Variants in ARFGEF2 observed in about 807,000 individuals in gnomAD.
ARFGEF2 encodes ARF guanine nucleotide exchange factor 2.
A neutral mutation model predicts 219.9 loss-of-function variants in ARFGEF2; 74 were observed. The ratio of observed to expected loss-of-function variants is 0.34; its 90% CI spans 0.28 to 0.41. ARFGEF2 has a LOEUF of 0.41. Among genes scored for constraint, ARFGEF2 ranks in the 10% least tolerant of loss-of-function variants. The pLI is 1.00. For missense variants in ARFGEF2, 1,743 were observed against 2,218.3 expected, an observed-to-expected ratio of 0.79 and a Z score of 4.30; for synonymous variants, 733 against 799.2, an observed-to-expected ratio of 0.92 and a Z score of 1.40.
At chr20:49,012,193 G>A in intron 28 of ARFGEF2, 109 bp downstream of exon 28, 1 of 1,448,912 alleles carries the variant, frequency 6.9e-7, no homozygotes, top group South Asian at 1.2e-5. Context: ...AGAAATGTGT[G>A]TTTGCCCTAA....
rs140734809 is a variant in ARFGEF2 at position 49,033,193 on chromosome 20, G to A, written c.5352G>A (p.Val1784=). 10 of 1,614,108 alleles carry A rather than the reference G, an allele frequency of 6.2e-6. No homozygotes were observed. The African/African-American group carries it at 1.3e-4, about 22-fold the overall frequency. Residue 1784 remains valine, a synonymous_variant, in exon 39 of 39, where the codon GTG becomes GTA. Transcript: ENST00000371917. ...AGGTACCAGCAGCACTGTCACCAGT[G>A]TGGTAGCCCTGGCTGCCCAGGCCAG... ...PSQVPAALSP[V]W
intron 26 of ARFGEF2, among the ~76,000 whole-genome samples, chr20:49,008,667 C>T (rs1452186011): frequency 1.3e-5 from 2 of 149,084 alleles, no homozygotes; most frequent in African/African-American, 4.9e-5. Context: ...GATAGTGAAA[C>T]GTGTATCTCT....
rs759599298 is a variant in ARFGEF2 at position 48,976,100 on chromosome 20, C to T, written c.1859C>T (p.Ser620Phe). The change falls in exon 14 of 39, where the codon TCC (serine) becomes TTC (phenylalanine). Residue 620 changes from serine to phenylalanine, a missense_variant. By Grantham distance (155) the Ser-to-Phe change is radical. This residue lies in a region of ARFGEF2 where 666 missense variants were observed against 955.4 expected (regional missense o/e 0.70). Transcript: ENST00000371917. ...ARRCSVTSME[S>F]TVSSGTQTTV... is the part of the protein sequence containing the mutation. ...CGGTGTAGTGTGACGTCCATGGAGT[C>T]CACAGTGTCCTCGGGGACCCAGACA... 2.5e-6 allele frequency: 4 copies of T among 1,613,608 alleles called. No individual in the cohort carries two copies. Among genetic ancestry groups the T allele is most frequent in the Admixed American group, 3.3e-5 (2 of 60,010 alleles).
At chr20:48,977,297 G>A (rs1032121738) in intron 14 of ARFGEF2, among the ~76,000 whole-genome samples, 1 of 152,142 alleles carries the variant, frequency 6.6e-6, no homozygotes, top group Non-Finnish European at 1.5e-5. Flanking sequence ...TCCCTGCAAA[G>A]GACATGAACT....
Position 49,036,348 on chromosome 20 carries a change from C to A in ARFGEF2, c.*3149C>A, listed in dbSNP as rs2091665904. 1 of 397,598 alleles carries A rather than the reference C, an allele frequency of 2.5e-6. No homozygotes were observed. Among genetic ancestry groups the A allele is most frequent in the African/African-American group, 2.1e-5 (1 of 48,574 alleles). 24.6% of individuals were successfully genotyped at this position (397,598 alleles called of 1,614,324 possible). A position where few individuals can be genotyped will look rare whatever the true frequency, so the allele number is the denominator to read the frequency against. On this transcript the variant is annotated 3_prime_UTR_variant, in exon 39 of 39. Transcript: ENST00000371917. The stretch of plus-strand genomic sequence containing the variant: ...TGCTCTCAAAACAAAACAATATAAT[C>A]TATCAAAGGTGTTTTACTCAGTGTT...
chr20:48,977,748 T>A lies in ARFGEF2; in HGVS notation c.1958+1549T>A, dbSNP rs145920705. 1.5e-3 allele frequency among the ~76,000 whole-genome samples: 228 copies of A among 152,400 alleles called. 4 individuals carry two copies. The East Asian group carries it at 0.033, about 22-fold the overall frequency. ...ACCAGTGATGATGAGCATTTTTTCA[T>A]GTGTCCGTTGGCTACATAAATGTCT... On this transcript the variant is annotated intron_variant, in intron 14 of 38. Coordinates refer to ENST00000371917, the MANE Select transcript of ARFGEF2 (RefSeq NM_006420.3).
At chr20:49,009,429 A>G in intron 26 of ARFGEF2, among the ~76,000 whole-genome samples, 1 of 152,064 alleles carries the variant, frequency 6.6e-6, no homozygotes, top group Non-Finnish European at 1.5e-5. Flanking sequence ...CAGCCTGGGC[A>G]ACAGAGCAAG....
chr20:48,970,791 C>G (rs1382216071), intron 9 of ARFGEF2, among the ~76,000 whole-genome samples: 1 of 152,112 alleles, frequency 6.6e-6, no homozygotes, highest in Non-Finnish European at 1.5e-5. Flanking sequence ...AGCCAGGTGT[C>G]TCAGCCTCCC....
At chr20:48,989,516 T>C (rs1213193597) in intron 19 of ARFGEF2, 40 bp from the exon 20 acceptor site, 3 of 1,614,242 alleles carry the variant, frequency 1.9e-6, no homozygotes, top group South Asian at 2.2e-5. Flanking sequence ...CTTTCCACGC[T>C]AAAACTCTGG....
chr20:48,941,984 G>T lies in ARFGEF2; in HGVS notation c.273G>T (p.Leu91Phe). The T allele has an allele frequency of 1.2e-6, 2 of 1,614,130 alleles. No homozygotes were observed. The highest frequency in any genetic ancestry group is 1.1e-5 in the South Asian group (1 of 91,092). The change falls in exon 3 of 39, where the codon TTG (leucine) becomes TTT (phenylalanine). Residue 91 changes from leucine to phenylalanine, a missense_variant. Physicochemically the swap from Leu to Phe is conservative, Grantham distance 22 (BLOSUM62 0). Around this residue, in one of 5 missense-constraint regions of ARFGEF2, gnomAD observed 394 missense variants for 426.6 expected, o/e 0.92. Transcript: ENST00000371917. ...TAGTCAGCACATCCCTTGACTGCTT[G>T]CAGGTACCATGTTTAAACTTCGTGT... is the stretch of plus-strand genomic sequence containing the variant. ...PRVVSTSLDC[L>F]QKLIAYGHIT...
At chr20:49,017,918 C>A (rs1003511488) in intron 33 of ARFGEF2, among the ~76,000 whole-genome samples, 1 of 149,410 alleles carries the variant, frequency 6.7e-6, no homozygotes, top group Non-Finnish European at 1.5e-5. Context: ...ATTATAATTT[C>A]TTTACTTCTC....
At chr20:49,004,366 T>C (rs1320550126) in intron 25 of ARFGEF2, among the ~76,000 whole-genome samples, 1 of 151,974 alleles carries the variant, frequency 6.6e-6, no homozygotes, top group Non-Finnish European at 1.5e-5. Flanking sequence ...AGAGTTCTGA[T>C]TGGCTTCACA....
intron 1 of ARFGEF2, among the ~76,000 whole-genome samples, chr20:48,935,489 A>AC (rs1332642427): frequency 6.6e-6 from 1 of 151,730 alleles, no homozygotes; most frequent in African/African-American, 2.4e-5. Flanking sequence ...TCCCATGTCT[A>AC]CCTCTTTCTA....
intron 30 of ARFGEF2, among the ~76,000 whole-genome samples, chr20:49,015,096 T>G (rs1170672259): frequency 6.6e-6 from 1 of 152,142 alleles, no homozygotes; most frequent in Non-Finnish European, 1.5e-5. Context: ...TCTAGAATGT[T>G]TTGTTTGTTT....
intron 10 of ARFGEF2, 94 bp from the exon 11 acceptor site, chr20:48,972,232 C>T: frequency 1.2e-6 from 1 of 857,562 alleles, no homozygotes; most frequent in Non-Finnish European, 2.0e-6. Flanking sequence ...GCTTTACTTA[C>T]TGCACGACTG....
At position 49,035,313 on chromosome 20, in the gene ARFGEF2, C is replaced by A. The variant is rs2091660582; in HGVS notation, c.*2114C>A. ...TTGAGGGGTAGCAGATGTGTCAGTG[C>A]ATTTTATTACTTGCTGAAACATTCA... On this transcript the variant is annotated 3_prime_UTR_variant, in exon 39 of 39. Transcript: ENST00000371917. 1 of 152,132 alleles carries A rather than the reference C, an allele frequency of 6.6e-6. No homozygotes were observed. Among genetic ancestry groups the A allele is most frequent in the South Asian group, 2.1e-4 (1 of 4,832 alleles). The allele number at this position is 152,132 out of a possible 1,614,324, so 9.4% of individuals were successfully genotyped here.
At chr20:49,020,826 A>G (rs1005854333) in intron 34 of ARFGEF2, among the ~76,000 whole-genome samples, 1 of 151,588 alleles carries the variant, frequency 6.6e-6, no homozygotes, top group Non-Finnish European at 1.5e-5. Flanking sequence ...TAGGAGAAGC[A>G]CTCTCCGTGC....
intron 8 of ARFGEF2, among the ~76,000 whole-genome samples, chr20:48,967,153 T>C (rs2123403485): frequency 6.6e-6 from 1 of 152,292 alleles, no homozygotes; most frequent in Admixed American, 6.5e-5. Context: ...ACCAGAATAA[T>C]GTTTTTTTCC....
At chr20:49,008,445 C>A (rs1028697246) in intron 26 of ARFGEF2, among the ~76,000 whole-genome samples, 3 of 151,836 alleles carry the variant, frequency 2.0e-5, no homozygotes, top group African/African-American at 7.3e-5. Flanking sequence ...TGCCTGTAGT[C>A]CCAGCTACTC....
Sources: allele counts gnomAD v4.1 joint callset (sites outside exome capture counted in the v4.1 genomes callset), GRCh38; gene constraint gnomAD v4.1.1; regional missense constraint gnomAD v4.1.1; transcripts MANE v1.5; gene names NCBI Gene and HGNC (gene_info 2026-07-23, HGNC 2026-07-21).